DAPK2: variants seen among roughly 807,000 people sequenced by gnomAD.
DAPK2 encodes the protein death associated protein kinase 2.
In DAPK2, 35 loss-of-function variants were observed where a neutral mutation model predicts 44.1. That is an observed-to-expected ratio of 0.79 (90% CI 0.61 to 1.05). The LOEUF is 1.05. Among genes scored for constraint, DAPK2 ranks in the 50% least tolerant of loss-of-function variants. The pLI is 0.00. For synonymous variants in DAPK2, 174 were observed against 182.6 expected, an observed-to-expected ratio of 0.95 and a Z score of 0.38; for missense variants, 453 against 483.2, an observed-to-expected ratio of 0.94 and a Z score of 0.59.
Position 64,036,326 on chromosome 15 carries a change from T to TAC in DAPK2, c.92+3843_92+3844insGT, listed in dbSNP as rs1555484569. Among the ~76,000 whole-genome samples the TAC allele has an allele frequency of 1.9e-4, 21 of 109,704 alleles. 1 individual carries two copies. Among genetic ancestry groups the TAC allele is most frequent in the South Asian group, 5.2e-4 (2 of 3,832 alleles). The allele number at this position is 109,704 out of a possible 152,430, so 72.0% of individuals were successfully genotyped here. On this transcript the variant is annotated intron_variant, in intron 1 of 10. Coordinates refer to ENST00000261891, the Ensembl canonical transcript of DAPK2. The stretch of plus-strand genomic sequence containing the variant: ...GTGTGTGTGTATATATATGTATATA[T>TAC]ATATATATATACATATATATATATA...
intron 1 of DAPK2, among the ~76,000 whole-genome samples, chr15:64,029,257 C>T (rs2079941870): frequency 6.6e-6 from 1 of 152,134 alleles, no homozygotes. Context: ...AATGCGGCCA[C>T]TTTGTCTGAG....
chr15:63,997,537 G>A (rs1016237461), intron 1 of DAPK2, among the ~76,000 whole-genome samples: 1 of 152,138 alleles, frequency 6.6e-6, no homozygotes, highest in African/African-American at 2.4e-5. Flanking sequence ...CACAATGTTG[G>A]CCAGTCTGGT....
At chr15:63,963,680 T>A (rs1432221874) in intron 3 of DAPK2, among the ~76,000 whole-genome samples, 1 of 152,196 alleles carries the variant, frequency 6.6e-6, no homozygotes, top group Non-Finnish European at 1.5e-5. Context: ...TGGTGGTAAG[T>A]TTTAATTTCT....
intron 4 of DAPK2, among the ~76,000 whole-genome samples, chr15:63,934,253 T>TTTG (rs2077068164): frequency 7.7e-6 from 1 of 130,212 alleles, no homozygotes; most frequent in Non-Finnish European, 1.7e-5. Context: ...ATCCTAGTTT[T>TTTG]TTTTTTTTTT....
intron 1 of DAPK2, among the ~76,000 whole-genome samples, chr15:64,008,363 T>C (rs1208746332): frequency 6.6e-6 from 1 of 152,194 alleles, no homozygotes; most frequent in Non-Finnish European, 1.5e-5. Context: ...CTCCCCATTA[T>C]AGAGATCAGG....
intron 1 of DAPK2, among the ~76,000 whole-genome samples, chr15:63,988,535 C>T (rs560348326): frequency 6.7e-6 from 1 of 148,932 alleles, no homozygotes; most frequent in African/African-American, 2.5e-5. Flanking sequence ...GCTGGAGTCT[C>T]GCTCTGTTGC....
rs1350341321 is a variant in DAPK2, at chr15:63,914,297, C to G, written c.859-2100G>C. Among the ~76,000 whole-genome samples the G allele has an allele frequency of 2.0e-5, 3 of 152,218 alleles. No homozygotes were observed. In the East Asian group the frequency reaches 5.8e-4, roughly 29 times the overall value. On this transcript the variant is annotated intron_variant, in intron 8 of 10. Transcript: ENST00000261891. ...GGAAGTGGATGGGAGATGAGAAAAC[C>G]TGGGGCTATTCACCCTCCGAAACTG... is the stretch of plus-strand genomic sequence containing the variant.
At chr15:63,922,267 ATTTTC>A in intron 8 of DAPK2, 1 of 988,180 alleles carries the variant, frequency 1.0e-6, no homozygotes, top group Non-Finnish European at 1.2e-6. Context: ...AGGCAATATT[ATTTTC>A]TCTATGCATT....
chr15:64,036,069 T>C (rs555544419), intron 1 of DAPK2, among the ~76,000 whole-genome samples: 3 of 151,924 alleles, frequency 2.0e-5, no homozygotes, highest in African/African-American at 7.2e-5. Context: ...GAGACCATCC[T>C]GGCCAGCATG....
At chr15:64,029,489 C>A (rs1189976539) in intron 1 of DAPK2, among the ~76,000 whole-genome samples, 1 of 152,148 alleles carries the variant, frequency 6.6e-6, no homozygotes, top group Non-Finnish European at 1.5e-5. Flanking sequence ...CTGGATTAGA[C>A]CCTGCCGCGC....
chr15:64,002,952 G>GGGACC (rs2079124557), intron 1 of DAPK2, among the ~76,000 whole-genome samples: 1 of 130,846 alleles, frequency 7.6e-6, no homozygotes, highest in African/African-American at 3.0e-5. Flanking sequence ...GTGTGTGTGT[G>GGGACC]TGTGTGTGTG....
At chr15:63,920,390 C>G (rs899198724) in intron 8 of DAPK2, 1 of 152,082 alleles carries the variant, frequency 6.6e-6, no homozygotes, top group Non-Finnish European at 1.5e-5. Context: ...CATGGTGGCT[C>G]TATTTCTCAT....
At chr15:63,924,983 T>A in intron 7 of DAPK2, 122 bp from the exon 9 acceptor site, 2 of 1,018,248 alleles carry the variant, frequency 2.0e-6, no homozygotes, top group Non-Finnish European at 2.9e-6. Context: ...GTCAAACCAG[T>A]GGAATGGAGG....
At chr15:63,952,070 T>C (rs558290397) in intron 3 of DAPK2, among the ~76,000 whole-genome samples, 1 of 152,052 alleles carries the variant, frequency 6.6e-6, no homozygotes, top group South Asian at 2.1e-4. Context: ...TGAAAACCCA[T>C]CTCTACTAAA....
chr15:63,938,998 A>T (rs2077235972), intron 4 of DAPK2, among the ~76,000 whole-genome samples: 1 of 152,182 alleles, frequency 6.6e-6, no homozygotes, highest in Non-Finnish European at 1.5e-5. Flanking sequence ...AGCCCCACTG[A>T]GAGCCACTGG....
At chr15:63,937,640 G>A (rs2077200450) in intron 4 of DAPK2, among the ~76,000 whole-genome samples, 1 of 152,000 alleles carries the variant, frequency 6.6e-6, no homozygotes, top group Admixed American at 6.6e-5. Flanking sequence ...ACTCACTCAA[G>A]GCCATGACTG....
At chr15:63,992,979 T>C (rs1267966766) in intron 1 of DAPK2, among the ~76,000 whole-genome samples, 2 of 152,220 alleles carry the variant, frequency 1.3e-5, no homozygotes, top group African/African-American at 4.8e-5. Context: ...AGAAAGAAGA[T>C]GGGAAAATCC....
At chr15:64,045,454 C>T (rs557245676) in intron 1 of DAPK2, among the ~76,000 whole-genome samples, 1 of 152,278 alleles carries the variant, frequency 6.6e-6, no homozygotes, top group East Asian at 1.9e-4. Flanking sequence ...TGGCTGCCCT[C>T]CACAGGATTC....
intron 5 of DAPK2, chr15:63,929,939 C>T (rs2079475262): frequency 2.2e-6 from 1 of 454,050 alleles, no homozygotes; most frequent in African/African-American, 2.0e-5. Flanking sequence ...AACCAGGTAA[C>T]AAAGGTGCTT....
Sources: gnomAD v4.1 joint callset for allele counts (sites outside exome capture counted in the v4.1 genomes callset) on GRCh38, gnomAD v4.1.1 for gene constraint, MANE v1.5 for transcripts, NCBI Gene and HGNC (gene_info 2026-07-23, HGNC 2026-07-21) for gene names.